BPIFB4: variants seen among roughly 807,000 people sequenced by gnomAD.
BPIFB4 encodes the protein BPI fold containing family B member 4.
A neutral mutation model predicts 69.2 loss-of-function variants in BPIFB4; 62 were observed. The observed-to-expected ratio is 0.90, with a 90% CI of 0.73 to 1.11. BPIFB4 has a LOEUF of 1.11. Ranked by LOEUF, BPIFB4 falls within the 50% of genes least tolerant of loss-of-function variation. BPIFB4 has a pLI of 0.00. For synonymous variants in BPIFB4, 330 were observed against 332.7 expected, an observed-to-expected ratio of 0.99 and a Z score of 0.09; for missense variants, 789 against 792.0, an observed-to-expected ratio of 1.00 and a Z score of 0.04.
At chr20:33,100,192 CTTA>C (rs1981868275) in intron 13 of BPIFB4, among the ~76,000 whole-genome samples, 1 of 152,156 alleles carries the variant, frequency 6.6e-6, no homozygotes, top group Non-Finnish European at 1.5e-5. Context: ...ATGTTGGCAA[CTTA>C]TTATTCCGAA....
At position 33,081,596 on chromosome 20, in the gene BPIFB4, A is replaced by T; in HGVS notation, c.70A>T (p.Thr24Ser). ...AVCGTSHETNTVLRVTKDVLS... is the reference protein window; with the variant it reads ...AVCGTSHETNSVLRVTKDVLS... ...GTGTGGCACCAGCCACGAGACAAAC[A>T]CGGTCCTCAGGGTGACGAAAGATGT... Residue 24 changes from threonine to serine, a missense_variant, in exon 3 of 18, where the codon ACG becomes TCG. Thr to Ser is a moderately conservative substitution (Grantham distance 58). Transcript: ENST00000375483. 6.4e-7 allele frequency: 1 copy of T among 1,551,734 alleles called. No homozygotes were observed. The highest frequency in any genetic ancestry group is 8.7e-7 in the Non-Finnish European group (1 of 1,147,006).
At chr20:33,092,393 A>G in intron 10 of BPIFB4, 65 bp from the exon 11 acceptor site, 3 of 1,452,100 alleles carry the variant, frequency 2.1e-6, no homozygotes, top group Non-Finnish European at 1.9e-6. Flanking sequence ...GCCTCACTCC[A>G]GCCTTCAGTC....
chr20:33,100,640 A>G lies in BPIFB4; in HGVS notation c.1637+147A>G, dbSNP rs1053268676. On this transcript the variant is annotated intron_variant, in intron 14 of 17. Transcript: ENST00000375483. ...AAGGTGACGATGGCTCATGCCTACC[A>G]TTACCACTGTCACAAGCCAGGCAAG... 6.1e-6 allele frequency: 4 copies of G among 659,186 alleles called. No individual in the cohort carries two copies. The Admixed American group carries it at 8.6e-5, about 14-fold the overall frequency. The allele number at this position is 659,186 out of a possible 1,614,324, so 40.8% of individuals were successfully genotyped here.
At chr20:33,097,897 C>A in intron 13 of BPIFB4, 110 bp downstream of exon 13, 1 of 1,211,310 alleles carries the variant, frequency 8.3e-7, no homozygotes, top group Non-Finnish European at 1.1e-6. Context: ...ACCATCATGA[C>A]TATGGGCCCA....
At chr20:33,088,827 C>T (rs774910331) in intron 7 of BPIFB4, 139 bp from the exon 8 acceptor site, 32 of 1,467,860 alleles carry the variant, frequency 2.2e-5, no homozygotes, top group African/African-American at 4.2e-5. Context: ...GTACTCTGTC[C>T]TCCCAGCTTT....
chr20:33,104,807 C>A lies in BPIFB4; in HGVS notation c.1681-3C>A. ...AGGCTCTGTCCTCCTTCTTCCTCTG[C>A]AGATTGGCCTCATGGAGGTGCTGGT... On this transcript the variant is annotated splice_polypyrimidine_tract_variant and splice_region_variant and intron_variant, in intron 15 of 17. Coordinates refer to ENST00000375483, the MANE Select transcript of BPIFB4 (RefSeq NM_182519.3). 6.2e-7 allele frequency: 1 copy of A among 1,614,018 alleles called. No individual in the cohort carries two copies.
intron 11 of BPIFB4, among the ~76,000 whole-genome samples, chr20:33,094,035 AACTTC>A: frequency 6.6e-6 from 1 of 152,330 alleles, no homozygotes; most frequent in Admixed American, 6.5e-5. Flanking sequence ...TCATTCCATA[AACTTC>A]ACTGTATATC....
At position 33,111,481 on chromosome 20, in the gene BPIFB4, C is replaced by T. The variant is rs759463256; in HGVS notation, c.*44C>T. ...CTGCTGCAACTGGAAGAAGCTGGAA[C>T]CAGTCCCAGAGAGGCTCGGCCTGGA... On this transcript the variant is annotated 3_prime_UTR_variant, in exon 18 of 18. Transcript: ENST00000375483. 1 of 1,612,692 alleles carries T rather than the reference C, an allele frequency of 6.2e-7. No homozygotes were observed. Among genetic ancestry groups the T allele is most frequent in the Non-Finnish European group, 8.5e-7 (1 of 1,178,882 alleles).
chr20:33,110,698 CATTT>C (rs1001150477), intron 17 of BPIFB4, among the ~76,000 whole-genome samples: 5 of 150,848 alleles, frequency 3.3e-5, no homozygotes, highest in African/African-American at 1.2e-4. Context: ...CCTTCTCTTC[CATTT>C]ATTTATTTAT....
At position 33,083,484 on chromosome 20, in the gene BPIFB4, CTGCTCAGCTGGGGGGCA is replaced by C. The variant is rs1465809307; in HGVS notation, c.288_304del (p.Ala97IlefsTer5). The C allele has an allele frequency of 6.2e-7, 1 of 1,613,816 alleles. No individual in the cohort carries two copies. The highest frequency in any genetic ancestry group is 2.2e-5 in the East Asian group (1 of 44,866). On this transcript the variant is annotated frameshift_variant, in exon 5 of 18. Coordinates refer to ENST00000375483, the MANE Select transcript of BPIFB4 (RefSeq NM_182519.3). LOFTEE classifies it high-confidence loss of function. ...GGTCACATTGAGACCAACGACAACA[CTGCTCAGCTGGGGGGCA>C]AATACCGATATGGTGAGATCCTTGA...
At chr20:33,088,381 A>G (rs534055570) in intron 7 of BPIFB4, among the ~76,000 whole-genome samples, 2 of 151,772 alleles carry the variant, frequency 1.3e-5, no homozygotes, top group African/African-American at 4.8e-5. Context: ...AAAGAGCTGC[A>G]TGGCTTACTT....
chr20:33,104,644 G>T, intron 15 of BPIFB4, 166 bp from the exon 16 acceptor site: 3 of 606,186 alleles, frequency 4.9e-6, no homozygotes, highest in Non-Finnish European at 8.6e-6. Flanking sequence ...GCACCTTAAG[G>T]CTGCCGGTGA....
chr20:33,097,572 C>T, intron 12 of BPIFB4, 45 bp from the exon 13 acceptor site: 5 of 1,584,132 alleles, frequency 3.2e-6, no homozygotes, highest in Non-Finnish European at 4.3e-6. Context: ...CTGGGTACCT[C>T]CTATGCTAAG....
chr20:33,080,296 T>C (rs1187351982), intron 1 of BPIFB4, among the ~76,000 whole-genome samples, 173 bp from the exon 2 acceptor site: 1 of 152,150 alleles, frequency 6.6e-6, no homozygotes, highest in African/African-American at 2.4e-5. Context: ...TGAGAGGCCA[T>C]GCCCTGTGCT....
chr20:33,107,868 T>C (rs748331164), intron 17 of BPIFB4, 48 bp downstream of exon 17: 55 of 1,522,752 alleles, frequency 3.6e-5, no homozygotes, highest in Non-Finnish European at 5.0e-5. Context: ...TGCCCTTTGC[T>C]CATCACCTTT....
Position 33,089,560 on chromosome 20 carries a change from TA to T in BPIFB4, c.1051+4del. The T allele has an allele frequency of 6.2e-7, 1 of 1,614,250 alleles. No homozygotes were observed. Among genetic ancestry groups the T allele is most frequent in the Non-Finnish European group, 8.5e-7 (1 of 1,180,038 alleles). On this transcript the variant is annotated splice_donor_region_variant and intron_variant, in intron 9 of 17. Transcript: ENST00000375483. ...ATGACCAGCTGGGCCTCGTGGATTG[TA>T]AGTCCAATACACTTTCTCCAGCCTG...
At chr20:33,084,231 A>T (rs916230630) in intron 5 of BPIFB4, among the ~76,000 whole-genome samples, 6 of 152,252 alleles carry the variant, frequency 3.9e-5, no homozygotes, top group Non-Finnish European at 7.3e-5. Context: ...TTCTATGCTC[A>T]GCCTGTTCCT....
chr20:33,107,221 AGAAG>A (rs71190891), intron 16 of BPIFB4, among the ~76,000 whole-genome samples: 9 of 142,412 alleles, frequency 6.3e-5, no homozygotes, highest in East Asian at 2.0e-4. Context: ...AATGAAAGAA[AGAAG>A]GAAGGAAGGA....
rs1423777735 is a variant in BPIFB4 at position 33,101,054 on chromosome 20, GTGA to G, written c.1637+571_1637+573del. On this transcript the variant is annotated intron_variant, in intron 14 of 17. Coordinates refer to ENST00000375483, the MANE Select transcript of BPIFB4 (RefSeq NM_182519.3). ...AGCAAGACCCTGTCTCTAAGTAACA[GTGA>G]TGATGATGAGGAGGAGGACGAGGAG... 3.9e-5 allele frequency among the ~76,000 whole-genome samples: 6 copies of G among 152,244 alleles called. No individual in the cohort carries two copies. In the South Asian group the frequency reaches 1.0e-3, roughly 26 times the overall value.
Sources: gnomAD v4.1 joint callset for allele counts (sites outside exome capture counted in the v4.1 genomes callset) on GRCh38, gnomAD v4.1.1 for gene constraint, MANE v1.5 for transcripts, NCBI Gene and HGNC (gene_info 2026-07-23, HGNC 2026-07-21) for gene names.